LUZP1: variants seen among roughly 807,000 people sequenced by gnomAD.
LUZP1 encodes the protein filamin mechanobinding actin cross-linking protein.
A neutral mutation model predicts 71.3 loss-of-function variants in LUZP1; 25 were observed. That is an observed-to-expected ratio of 0.35 (90% CI 0.26 to 0.49). The LOEUF (loss-of-function observed/expected upper bound fraction) is 0.49. Among genes scored for constraint, LUZP1 ranks in the 20% least tolerant of loss-of-function variants. The pLI is 0.99. For missense variants in LUZP1, 1,142 were observed against 1,300.8 expected (o/e 0.88, Z 1.88); for synonymous variants, 481 against 506.4 (o/e 0.95, Z 0.67).
chr1:23,088,955 A>G, exon 5 of LUZP1: 7 of 1,614,144 alleles, frequency 4.3e-6, no homozygotes, highest in Non-Finnish European at 5.9e-6. Context: ...GTACTCGCCC[A>G]GACTCTGGCA....
chr1:23,119,040 C>A (rs1644108642), intron 2 of LUZP1, among the ~76,000 whole-genome samples: 1 of 152,112 alleles, frequency 6.6e-6, no homozygotes, highest in South Asian at 2.1e-4. Flanking sequence ...GTAGGTTGTC[C>A]TATGTTGTTT....
intron 2 of LUZP1, among the ~76,000 whole-genome samples, chr1:23,142,797 G>C (rs1557676905): frequency 6.6e-6 from 1 of 150,942 alleles, no homozygotes; most frequent in Admixed American, 6.6e-5. Context: ...CTCCCACATT[G>C]TTCAAGAGTC....
At chr1:23,128,997 CA>C (rs1469927846) in intron 2 of LUZP1, among the ~76,000 whole-genome samples, 2 of 152,148 alleles carry the variant, frequency 1.3e-5, no homozygotes, top group African/African-American at 4.8e-5. Flanking sequence ...AGAAAATAAA[CA>C]GAAAATATGC....
rs1327951051 is a variant in LUZP1 at position 23,085,453 on chromosome 1, C to CA, written c.*3441dup. The CA allele has an allele frequency of 4.6e-5, 7 of 152,528 alleles. No homozygotes were observed. In the South Asian group the frequency reaches 6.2e-4, roughly 14 times the overall value. 9.4% of individuals were successfully genotyped at this position (152,528 alleles called of 1,614,324 possible). On this transcript the variant is annotated 3_prime_UTR_variant, in exon 5 of 5. Coordinates refer to ENST00000302291, the Ensembl canonical transcript of LUZP1. ...AACCCTGCTCCCCACTCGGGGTATTCAAAAAATAATCCCTAAAAGCAGCTC... is the reference window on the plus strand; with the variant it reads ...AACCCTGCTCCCCACTCGGGGTATTCAAAAAAATAATCCCTAAAAGCAGCTC...
chr1:23,155,800 T>C (rs1327795426), intron 2 of LUZP1, among the ~76,000 whole-genome samples: 2 of 151,666 alleles, frequency 1.3e-5, no homozygotes, highest in East Asian at 3.9e-4. Context: ...TGAAACTCCA[T>C]CTAAAAAAAA....
intron 2 of LUZP1, among the ~76,000 whole-genome samples, chr1:23,132,733 G>A (rs901822233): frequency 6.6e-6 from 1 of 152,090 alleles, no homozygotes; most frequent in Non-Finnish European, 1.5e-5. Flanking sequence ...AGCAACTTAA[G>A]TATAATAAGG....
At chr1:23,169,364 G>A (rs1383380846) in intron 1 of LUZP1, among the ~76,000 whole-genome samples, 1 of 152,106 alleles carries the variant, frequency 6.6e-6, no homozygotes, top group Non-Finnish European at 1.5e-5. Context: ...AAAAAAGCGG[G>A]ACACTCTCAG....
exon 5 of LUZP1, chr1:23,089,028 A>C (rs1318503683): frequency 6.2e-7 from 1 of 1,614,004 alleles, no homozygotes; most frequent in Non-Finnish European, 8.5e-7. Context: ...GTAGACACTG[A>C]GTGTACAGTC....
chr1:23,150,210 T>C (rs1553141321), intron 2 of LUZP1, among the ~76,000 whole-genome samples: 1 of 151,894 alleles, frequency 6.6e-6, no homozygotes, highest in Non-Finnish European at 1.5e-5. Flanking sequence ...ATCCTGGAAG[T>C]CATCAGACAA....
At chr1:23,090,272 T>C (rs1167117295) in intron 4 of LUZP1, among the ~76,000 whole-genome samples, 1 of 152,054 alleles carries the variant, frequency 6.6e-6, no homozygotes, top group African/African-American at 2.4e-5. Context: ...ATCTGAAAAA[T>C]GGGGATAATA....
intron 2 of LUZP1, among the ~76,000 whole-genome samples, chr1:23,153,318 C>G (rs1644397901): frequency 1.3e-5 from 2 of 152,262 alleles, no homozygotes; most frequent in Middle Eastern, 3.4e-3. Flanking sequence ...AAACCATTCC[C>G]TCATCCTTAA....
intron 2 of LUZP1, among the ~76,000 whole-genome samples, chr1:23,139,675 T>G (rs888847607): frequency 6.6e-6 from 1 of 152,204 alleles, no homozygotes; most frequent in Admixed American, 6.5e-5. Context: ...GGGTCTAATA[T>G]AGTGGTTCAC....
At chr1:23,087,654 C>G (rs892339136) in exon 5 of LUZP1, 7 of 152,648 alleles carry the variant, frequency 4.6e-5, no homozygotes, top group African/African-American at 1.7e-4. Flanking sequence ...AGAAAAAGCA[C>G]TGCCAAGAAT....
At chr1:23,104,066 G>A (rs1249651089) in intron 3 of LUZP1, among the ~76,000 whole-genome samples, 1 of 152,088 alleles carries the variant, frequency 6.6e-6, no homozygotes, top group African/African-American at 2.4e-5. Flanking sequence ...CCCCTGAAAT[G>A]TCACAGTAAG....
Position 23,168,783 on chromosome 1 carries a change from G to T in LUZP1, c.-243C>A, listed in dbSNP as rs891857941. 3.3e-5 allele frequency: 5 copies of T among 152,694 alleles called. No homozygotes were observed. In the East Asian group the frequency reaches 9.8e-4, roughly 30 times the overall value. 9.5% of individuals were successfully genotyped at this position (152,694 alleles called of 1,614,324 possible). On this transcript the variant is annotated 5_prime_UTR_variant, in exon 2 of 5. Coordinates refer to ENST00000302291, the Ensembl canonical transcript of LUZP1. Reference sequence around the variant, plus strand: ...ACCCTCACCTCTGCGGCCCCGAACCGCGCTCCCGCCAGCGAAGGGTTCCGC... The same window carrying T: ...ACCCTCACCTCTGCGGCCCCGAACCTCGCTCCCGCCAGCGAAGGGTTCCGC...
chr1:23,150,881 T>C (rs1644378041), intron 2 of LUZP1, among the ~76,000 whole-genome samples: 1 of 152,182 alleles, frequency 6.6e-6, no homozygotes, highest in African/African-American at 2.4e-5. Flanking sequence ...GTTGCTGAAC[T>C]GTGTCAACAG....
chr1:23,154,076 A>G (rs1268183354), intron 2 of LUZP1, among the ~76,000 whole-genome samples: 2 of 152,226 alleles, frequency 1.3e-5, no homozygotes, highest in Non-Finnish European at 2.9e-5. Flanking sequence ...AGCCAGACTA[A>G]AAGGCTACAG....
intron 2 of LUZP1, among the ~76,000 whole-genome samples, chr1:23,123,805 C>T (rs1287840543): frequency 6.6e-6 from 1 of 152,130 alleles, no homozygotes; most frequent in Non-Finnish European, 1.5e-5. Flanking sequence ...CAGGAAAATG[C>T]CACAATGCTA....
chr1:23,097,800 C>T (rs577126936), intron 3 of LUZP1, among the ~76,000 whole-genome samples: 1 of 152,180 alleles, frequency 6.6e-6, no homozygotes. Flanking sequence ...TATGACTGTG[C>T]CACTGTACTC....
Sources: gnomAD v4.1 joint callset for allele counts (sites outside exome capture counted in the v4.1 genomes callset) on GRCh38, gnomAD v4.1.1 for gene constraint, MANE v1.5 for transcripts, NCBI Gene and HGNC (gene_info 2026-07-23, HGNC 2026-07-21) for gene names.